The following RBM5 variants were observed in gnomAD, a reference collection of about 807,000 sequenced individuals.
RBM5 encodes the protein RNA-binding protein 5.
Under a neutral mutation model 124.6 loss-of-function variants are expected in RBM5, and 15 were observed. The observed-to-expected ratio is 0.12, with a 90% CI of 0.08 to 0.19. The LOEUF (loss-of-function observed/expected upper bound fraction) is 0.19, where lower values mean the gene tolerates loss of function less well. Among genes scored for constraint, RBM5 ranks in the 10% least tolerant of loss-of-function variants. RBM5 has a pLI of 1.00. For synonymous variants in RBM5, 337 were observed against 361.2 expected (o/e 0.93, Z 0.76); for missense variants, 580 against 1,026.5 (o/e 0.57, Z 5.94).
At chr3:50,113,322 A>G in intron 17 of RBM5, 61 bp from the exon 18 acceptor site, 1 of 1,522,166 alleles carries the variant, frequency 6.6e-7, no homozygotes, top group Non-Finnish European at 9.0e-7. Flanking sequence ...TTGACAAAAT[A>G]TGTAATCGAC....
rs748919463 is a variant in RBM5, at chr3:50,107,464, G to A, written c.954-18G>A. On this transcript the variant is annotated intron_variant, in intron 11 of 24. Transcript: ENST00000347869. The stretch of plus-strand genomic sequence containing the variant: ...AATACTGTGATAGAATCACATGATT[G>A]GATCTTTGTGGTTTCAGAGACTTGG... 2.6e-6 allele frequency: 4 copies of A among 1,548,424 alleles called. No homozygotes were observed. Among genetic ancestry groups the A allele is most frequent in the Non-Finnish European group, 2.7e-6 (3 of 1,120,872 alleles).
chr3:50,110,563 T>G, intron 16 of RBM5, 100 bp downstream of exon 16: 1 of 1,441,574 alleles, frequency 6.9e-7, no homozygotes, highest in Non-Finnish European at 9.7e-7. Flanking sequence ...AGAGGGACAC[T>G]TGGGGATGTG....
chr3:50,114,373 G>C (rs925588863), intron 20 of RBM5, 122 bp downstream of exon 20: 2 of 935,084 alleles, frequency 2.1e-6, no homozygotes, highest in South Asian at 1.9e-5. Context: ...CTGTTGATGG[G>C]TATTGGAGCA....
intron 22 of RBM5, 123 bp from the exon 23 acceptor site, chr3:50,116,951 C>A: frequency 1.2e-6 from 1 of 811,662 alleles, no homozygotes; most frequent in Non-Finnish European, 2.0e-6. Flanking sequence ...TATTTCAGAG[C>A]AGTCTAAAAA....
chr3:50,114,790 T>A (rs2091212683), intron 20 of RBM5: 1 of 153,906 alleles, frequency 6.5e-6, no homozygotes, highest in Non-Finnish European at 1.4e-5. Context: ...AAGGCTGCAG[T>A]GAGCCACTGC....
chr3:50,093,992 T>C, intron 4 of RBM5, 117 bp downstream of exon 4: 1 of 1,147,130 alleles, frequency 8.7e-7, no homozygotes. Context: ...GAGTATCCCT[T>C]ATCCAAAATG....
At chr3:50,113,745 C>T (rs2091190717) in intron 18 of RBM5, among the ~76,000 whole-genome samples, 1 of 152,050 alleles carries the variant, frequency 6.6e-6, no homozygotes, top group Non-Finnish European at 1.5e-5. Context: ...GGAAAAAAGC[C>T]CTGGAAATCT....
chr3:50,107,132 A>C, intron 11 of RBM5: 1 of 672,752 alleles, frequency 1.5e-6, no homozygotes, highest in Non-Finnish European at 2.7e-6. Flanking sequence ...TGCAAACTGC[A>C]GCAGTATAGT....
chr3:50,104,449 C>A, intron 8 of RBM5, 141 bp downstream of exon 8: 1 of 733,086 alleles, frequency 1.4e-6, no homozygotes, highest in Non-Finnish European at 2.3e-6. Flanking sequence ...ACCAGCCTGG[C>A]AAGAGATAGC....
intron 24 of RBM5, chr3:50,118,126 T>A: frequency 3.1e-6 from 2 of 653,620 alleles, no homozygotes; most frequent in East Asian, 2.8e-5. Flanking sequence ...GTGATTTGCT[T>A]CATCTGCCTG....
intron 17 of RBM5, among the ~76,000 whole-genome samples, chr3:50,111,673 C>T (rs1239420467): frequency 2.6e-5 from 4 of 152,154 alleles, no homozygotes; most frequent in Non-Finnish European, 4.4e-5. Flanking sequence ...TGTGCCCAGC[C>T]CTCTGTTCTT....
intron 4 of RBM5, chr3:50,099,652 C>G (rs1025402784): frequency 6.2e-6 from 1 of 161,080 alleles, no homozygotes; most frequent in Non-Finnish European, 1.3e-5. Flanking sequence ...GAGCCGAGAT[C>G]ACGTCACTGT....
At chr3:50,114,776 G>A (rs963872768) in intron 20 of RBM5, 1 of 154,882 alleles carries the variant, frequency 6.5e-6, no homozygotes, top group Non-Finnish European at 1.4e-5. Flanking sequence ...GAGCCCAGGA[G>A]ATCAAGGCTG....
At chr3:50,089,386 A>G (rs1230699697) in intron 1 of RBM5, among the ~76,000 whole-genome samples, 3 of 152,338 alleles carry the variant, frequency 2.0e-5, no homozygotes, top group Non-Finnish European at 2.9e-5. Flanking sequence ...CTCAACTGCA[A>G]CTGAATCGCC....
chr3:50,107,954 G>C, intron 12 of RBM5, 116 bp from the exon 13 acceptor site: 1 of 880,184 alleles, frequency 1.1e-6, no homozygotes, highest in South Asian at 1.4e-5. Flanking sequence ...CCAAAGTGCT[G>C]GGATTACAGC....
In RBM5 at chr3:50,118,877, T is replaced by G. The variant is rs145825068; in HGVS notation, c.*421T>G. On this transcript the variant is annotated 3_prime_UTR_variant, in exon 25 of 25. Transcript: ENST00000347869. ...GGCAAAAGCCTTGTGTATATTTGTA[T>G]ATTACACATTTGTACAGAATTTTGG... 152 of 161,112 alleles carry G rather than the reference T, an allele frequency of 9.4e-4. 1 individual carries two copies. Among genetic ancestry groups the G allele is most frequent in the South Asian group, 2.1e-3 (11 of 5,334 alleles). 10.0% of individuals were successfully genotyped at this position (161,112 alleles called of 1,614,324 possible).
Position 50,093,723 on chromosome 3 carries a change from G to A in RBM5, c.187G>A (p.Glu63Lys). 6.2e-7 allele frequency: 1 copy of A among 1,612,672 alleles called. No homozygotes were observed. The highest frequency in any genetic ancestry group is 8.5e-7 in the Non-Finnish European group (1 of 1,178,852). The stretch of plus-strand genomic sequence containing the variant: ...GATTTTGTTTATTGTAACTCAGAGA[G>A]AGCGTGAAAGAAGGAACAGTGACCG... ...DYRDYDSPER[E>K]RERRNSDRSE... Residue 63 changes from glutamate to lysine, a missense_variant, in exon 4 of 25, where the codon GAG becomes AAG. Glu to Lys is a moderately conservative substitution (Grantham distance 56, BLOSUM62 1). Transcript: ENST00000347869.
chr3:50,104,120 G>A, intron 7 of RBM5, 128 bp from the exon 8 acceptor site: 1 of 726,726 alleles, frequency 1.4e-6, no homozygotes, highest in African/African-American at 1.8e-5. Context: ...ATGTCCCCAT[G>A]TCTCAGCTAC....
chr3:50,110,734 T>C lies in RBM5; in HGVS notation c.1419T>C (p.Asp473=). The stretch of plus-strand genomic sequence containing the variant: ...ATGAATCTTCAGGATATTACTATGA[T>C]CCGACAACAGGGCTCTATTATGACC... ...QYDESSGYYY[D]PTTGLYYDPN... Residue 473 remains aspartate (D), a synonymous_variant, in exon 17 of 25, where the codon GAT becomes GAC. Transcript: ENST00000347869. 1 of 1,613,752 alleles carries C rather than the reference T, an allele frequency of 6.2e-7. No individual in the cohort carries two copies. Among genetic ancestry groups the C allele is most frequent in the Non-Finnish European group, 8.5e-7 (1 of 1,179,778 alleles).
Sources: allele counts gnomAD v4.1 joint callset (sites outside exome capture counted in the v4.1 genomes callset), GRCh38; gene constraint gnomAD v4.1.1; transcripts MANE v1.5; gene names NCBI Gene and HGNC (gene_info 2026-07-23, HGNC 2026-07-21).